Variants in RGS7 observed in about 807,000 individuals in gnomAD.
RGS7 encodes the protein regulator of G-protein signaling 7.
In RGS7, 27 loss-of-function variants were observed where a neutral mutation model predicts 81.1. The observed-to-expected ratio is 0.33, with a 90% CI of 0.25 to 0.46. RGS7 has a LOEUF of 0.46. RGS7 is among the 20% of genes least tolerant of loss of function. The pLI is 1.00. For missense variants in RGS7, 396 were observed against 607.4 expected, an observed-to-expected ratio of 0.65 and a Z score of 3.66; for synonymous variants, 208 against 207.7, an observed-to-expected ratio of 1.00 and a Z score of -0.01.
At chr1:240,930,866 T>A in intron 5 of RGS7, 98 bp from the exon 6 acceptor site, 6 of 1,159,046 alleles carry the variant, frequency 5.2e-6, no homozygotes, top group Non-Finnish European at 7.8e-6. Context: ...ATTCTCTATA[T>A]TAGTTTGCTA....
chr1:240,786,584 C>T (rs1043372356), intron 18 of RGS7, among the ~76,000 whole-genome samples: 3 of 152,154 alleles, frequency 2.0e-5, no homozygotes, highest in African/African-American at 4.8e-5. Context: ...ACAGTTTATA[C>T]AGTAACCATA....
At chr1:240,932,666 G>T (rs866657434) in intron 5 of RGS7, among the ~76,000 whole-genome samples, 2 of 149,418 alleles carry the variant, frequency 1.3e-5, no homozygotes, top group Admixed American at 6.7e-5. Flanking sequence ...CCGCCACCAC[G>T]CCCAGCTGAG....
chr1:240,910,759 C>T (rs778259784), intron 6 of RGS7, among the ~76,000 whole-genome samples: 22 of 151,980 alleles, frequency 1.4e-4, no homozygotes, highest in Non-Finnish European at 2.5e-4. Flanking sequence ...ACTCTGTGGC[C>T]CAGGCTGGAG....
chr1:240,947,366 G>A (rs933755624), intron 4 of RGS7, among the ~76,000 whole-genome samples: 3 of 152,142 alleles, frequency 2.0e-5, no homozygotes, highest in Non-Finnish European at 4.4e-5. Context: ...ATCTCCACGT[G>A]AATATTGAAT....
intron 5 of RGS7, among the ~76,000 whole-genome samples, chr1:240,934,981 C>T (rs1676374028): frequency 6.7e-6 from 1 of 150,134 alleles, no homozygotes; most frequent in African/African-American, 2.5e-5. Context: ...CTCCATCTCC[C>T]AGGTTCAAGC....
intron 2 of RGS7, among the ~76,000 whole-genome samples, chr1:241,263,512 A>G (rs1424427706): frequency 6.6e-6 from 1 of 152,198 alleles, no homozygotes; most frequent in African/African-American, 2.4e-5. Context: ...TTTTGGCAAC[A>G]GGTGGACCTG....
In RGS7 at chr1:240,868,512, T is replaced by C; in HGVS notation, c.609+75A>G. 1 of 1,288,360 alleles carries C rather than the reference T, an allele frequency of 7.8e-7. No homozygotes were observed. Among genetic ancestry groups the C allele is most frequent in the Non-Finnish European group, 1.1e-6 (1 of 885,138 alleles). 79.8% of individuals were successfully genotyped at this position (1,288,360 alleles called of 1,614,324 possible). On this transcript the variant is annotated intron_variant, in intron 9 of 18. Transcript: ENST00000440928. The surrounding 1 kb of genome is among the most constrained non-coding windows in gnomAD (Gnocchi z 5.1). ...CATGGGGTCACTACAGTCTTTCACT[T>C]ACTTTGGCAGGGCACCCCTCACTTC...
intron 2 of RGS7, among the ~76,000 whole-genome samples, chr1:241,241,011 A>C (rs1462925447): frequency 1.3e-5 from 2 of 152,064 alleles, no homozygotes; most frequent in Non-Finnish European, 2.9e-5. Context: ...GGCAGGCCAG[A>C]GCTAATTAAG....
At chr1:240,972,848 C>CAAAA (rs35291771) in intron 4 of RGS7, among the ~76,000 whole-genome samples, 6 of 74,966 alleles carry the variant, frequency 8.0e-5, no homozygotes, top group East Asian at 3.8e-4. Context: ...CCCCGCCTCT[C>CAAAA]AAAAAAAAAA....
intron 3 of RGS7, among the ~76,000 whole-genome samples, chr1:241,030,776 T>C (rs1001561666): frequency 1.3e-5 from 2 of 151,962 alleles, no homozygotes; most frequent in Non-Finnish European, 2.9e-5. Flanking sequence ...GCAGCTGAAG[T>C]AATCATTTAA....
At chr1:241,119,441 C>T (rs1443073566) in intron 2 of RGS7, among the ~76,000 whole-genome samples, 1 of 152,210 alleles carries the variant, frequency 6.6e-6, no homozygotes, top group Non-Finnish European at 1.5e-5. Flanking sequence ...CAAAACTCCA[C>T]AGGTAGTAGT....
chr1:241,323,372 GC>G (rs1460621323), intron 2 of RGS7, among the ~76,000 whole-genome samples: 3 of 152,340 alleles, frequency 2.0e-5, no homozygotes, highest in Non-Finnish European at 4.4e-5. Context: ...GCGCCTGTCA[GC>G]GCCTGTGGAG....
intron 2 of RGS7, among the ~76,000 whole-genome samples, chr1:241,236,235 A>C (rs548133903): frequency 4.7e-5 from 7 of 149,844 alleles, no homozygotes; most frequent in Admixed American, 1.3e-4. Flanking sequence ...GAGTACATAC[A>C]TGTAAGCACT....
chr1:241,094,334 A>G (rs1210311431), intron 3 of RGS7, among the ~76,000 whole-genome samples: 1 of 152,088 alleles, frequency 6.6e-6, no homozygotes, highest in African/African-American at 2.4e-5. Context: ...CCCAGGGGAG[A>G]GAGCTGTTAG....
intron 2 of RGS7, among the ~76,000 whole-genome samples, chr1:241,194,351 A>G (rs1315797908): frequency 6.6e-6 from 1 of 152,226 alleles, no homozygotes; most frequent in African/African-American, 2.4e-5. Context: ...AATTTTTTAA[A>G]GAATTTTATC....
chr1:241,073,152 C>T (rs901100752), intron 3 of RGS7, among the ~76,000 whole-genome samples: 1 of 152,160 alleles, frequency 6.6e-6, no homozygotes, highest in African/African-American at 2.4e-5. Flanking sequence ...ACTGCTCTTC[C>T]ATCACTTCCC....
At chr1:241,252,558 T>A (rs1191200141) in intron 2 of RGS7, among the ~76,000 whole-genome samples, 1 of 152,060 alleles carries the variant, frequency 6.6e-6, no homozygotes, top group Non-Finnish European at 1.5e-5. Flanking sequence ...GTATTCTCGG[T>A]TTCCCAAGTA....
chr1:240,804,760 C>A (rs1688574115), intron 15 of RGS7, among the ~76,000 whole-genome samples: 1 of 152,166 alleles, frequency 6.6e-6, no homozygotes, highest in Non-Finnish European at 1.5e-5. Flanking sequence ...GCTCTCTGTC[C>A]TGTGTCTCTC....
chr1:241,005,294 T>C (rs953360290), intron 3 of RGS7, among the ~76,000 whole-genome samples: 12 of 152,338 alleles, frequency 7.9e-5, no homozygotes, highest in African/African-American at 2.4e-4. Context: ...GCACAGATTA[T>C]ATGCACAGAA....
Sources: allele counts gnomAD v4.1 joint callset (sites outside exome capture counted in the v4.1 genomes callset), GRCh38; gene constraint gnomAD v4.1.1; non-coding constraint Gnocchi (gnomAD v3.1); transcripts MANE v1.5; gene names NCBI Gene and HGNC (gene_info 2026-07-23, HGNC 2026-07-21).